Variants in DGKQ observed in about 807,000 individuals in gnomAD.
DGKQ encodes the protein diacylglycerol kinase theta, also known as DAG kinase theta.
DGKQ carries 97 observed loss-of-function variants against 104.2 expected under a neutral mutation model. The ratio of observed to expected loss-of-function variants is 0.93; its 90% CI spans 0.79 to 1.10. The LOEUF is 1.10. DGKQ is among the 50% of genes least tolerant of loss of function. The pLI is 0.00. For synonymous variants in DGKQ, 736 were observed against 595.2 expected (o/e 1.24, Z -3.44); for missense variants, 1,465 against 1,352.1 (o/e 1.08, Z -1.31).
At chr4:969,431 G>A (rs183804961) in intron 2 of DGKQ, among the ~76,000 whole-genome samples, 2 of 152,306 alleles carry the variant, frequency 1.3e-5, no homozygotes, top group Admixed American at 6.5e-5. Flanking sequence ...GGAGAAAGCT[G>A]GGCTGTTGCT....
At position 961,621 on chromosome 4, in the gene DGKQ, G is replaced by C. The variant is rs779072904; in HGVS notation, c.2463-43C>G. 1.9e-6 allele frequency: 3 copies of C among 1,610,316 alleles called. No homozygotes were observed. In the South Asian group the frequency reaches 3.3e-5, roughly 18 times the overall value. ...GGGCACAGAGGTGTAGGTGCAGGCA[G>C]GACGAGGGCTGAGCCTGCCCATGGC... On this transcript the variant is annotated intron_variant, in intron 20 of 22. Transcript: ENST00000273814.
chr4:961,890 A>T lies in DGKQ; in HGVS notation c.2316-56T>A. Reference sequence around the variant, plus strand: ...GGGGAAGCCCTACCCCGCCTTAGGCAGCCTCCGGGTTCCGGCCCCTCTGCC... The same window carrying T: ...GGGGAAGCCCTACCCCGCCTTAGGCTGCCTCCGGGTTCCGGCCCCTCTGCC... On this transcript the variant is annotated intron_variant, in intron 19 of 22. Transcript: ENST00000273814. The T allele has an allele frequency of 1.9e-6, 3 of 1,600,712 alleles. No homozygotes were observed. In the South Asian group the frequency reaches 3.4e-5, roughly 18 times the overall value.
chr4:965,812 G>C (rs1158068020), intron 13 of DGKQ, 116 bp downstream of exon 13: 1 of 1,225,264 alleles, frequency 8.2e-7, no homozygotes. Flanking sequence ...TGGACCCGGA[G>C]CTCAGGCCTT....
At chr4:972,365 T>A (rs1213608757) in intron 1 of DGKQ, among the ~76,000 whole-genome samples, 1 of 152,010 alleles carries the variant, frequency 6.6e-6, no homozygotes, top group African/African-American at 2.4e-5. Flanking sequence ...AGAACAACCA[T>A]GCCGTTTCCA....
chr4:966,985 G>T lies in DGKQ; in HGVS notation c.1290C>A (p.Val430=). Reference sequence around the variant, plus strand: ...GCACCTGGCGGCCGAGCAGCGGCAGGACCTCCAGCACCACAGAGCGGGCCG... The same window carrying T: ...GCACCTGGCGGCCGAGCAGCGGCAGTACCTCCAGCACCACAGAGCGGGCCG... ...KSTARSVVLE[V]LPLLGRQAES... The change falls in exon 10 of 23, where the codon GTC becomes GTA. Residue 430 remains valine (V), a synonymous_variant. Transcript: ENST00000273814. 1.3e-6 allele frequency: 2 copies of T among 1,566,362 alleles called. No individual in the cohort carries two copies. The highest frequency in any genetic ancestry group is 8.6e-7 in the Non-Finnish European group (1 of 1,158,354).
intron 4 of DGKQ, 34 bp downstream of exon 4, chr4:968,445 A>AC (rs747380280): frequency 3.2e-6 from 5 of 1,586,806 alleles, no homozygotes; most frequent in Non-Finnish European, 4.3e-6. Context: ...GGCCCGCCCC[A>AC]CCCCCCAGGG....
chr4:968,938 C>G, intron 2 of DGKQ, 28 bp from the exon 3 acceptor site: 1 of 1,488,476 alleles, frequency 6.7e-7, no homozygotes, highest in Middle Eastern at 1.8e-4. Flanking sequence ...CCTCAGCACC[C>G]TTGGTAAGGG....
In DGKQ at chr4:971,430, C is replaced by T. The variant is rs562737705; in HGVS notation, c.272-358G>A. On this transcript the variant is annotated intron_variant, in intron 1 of 22. Transcript: ENST00000273814. The surrounding 1 kb of genome is among the most constrained non-coding windows in gnomAD (Gnocchi z 4.0). ...GGTTCGCCAGGTGGCAGGGGCTTCT[C>T]GGCCTTCGGCAGATTGGCTTTACCA... 2.2e-4 allele frequency among the ~76,000 whole-genome samples: 33 copies of T among 152,336 alleles called. No homozygotes were observed. The highest frequency in any genetic ancestry group is 4.4e-4 in the Non-Finnish European group (30 of 68,022).
intron 15 of DGKQ, among the ~76,000 whole-genome samples, chr4:964,929 A>G (rs1026398938): frequency 6.6e-6 from 1 of 152,116 alleles, no homozygotes; most frequent in Non-Finnish European, 1.5e-5. Flanking sequence ...GGTATCACCT[A>G]CTGGGCAGCC....
At chr4:969,581 C>T (rs578172173) in intron 2 of DGKQ, among the ~76,000 whole-genome samples, 2 of 151,360 alleles carry the variant, frequency 1.3e-5, no homozygotes, top group Non-Finnish European at 2.9e-5. Context: ...GCCAGGATGG[C>T]GGGTGACTTT....
chr4:966,649 G>A, intron 11 of DGKQ, 99 bp downstream of exon 11: 1 of 1,505,778 alleles, frequency 6.6e-7, no homozygotes. Context: ...GCAGAGCCCG[G>A]CCTTGATGTC....
At chr4:963,025 G>C in intron 16 of DGKQ, 105 bp from the exon 17 acceptor site, 1 of 1,504,028 alleles carries the variant, frequency 6.6e-7, no homozygotes, top group East Asian at 2.5e-5. Context: ...AGGACTTCAA[G>C]GTCCCAGCAC....
intron 2 of DGKQ, 78 bp downstream of exon 2, chr4:970,915 G>C: frequency 8.6e-7 from 1 of 1,167,576 alleles, no homozygotes; most frequent in South Asian, 1.4e-5. Flanking sequence ...TGACATGAAG[G>C]TTTTCAGTGC....
Position 965,806 on chromosome 4 carries a change from C to A in DGKQ, c.1579+122G>T. On this transcript the variant is annotated intron_variant, in intron 13 of 22. Coordinates refer to ENST00000273814, the MANE Select transcript of DGKQ (RefSeq NM_001347.4). ...CTTGGAGGAAGAGACGTGGGCTGGA[C>A]CCGGAGCTCAGGCCTTGGTGGCTCA... 2.6e-6 allele frequency: 3 copies of A among 1,172,546 alleles called. No individual in the cohort carries two copies. The East Asian group carries it at 7.8e-5, about 30-fold the overall frequency. The allele number at this position is 1,172,546 out of a possible 1,614,324, so 72.6% of individuals were successfully genotyped here.
Position 973,520 on chromosome 4 carries a change from C to G in DGKQ, c.-38G>C, listed in dbSNP as rs1713113077. Reference sequence around the variant, plus strand: ...CGGCCCGAGCCCCTTTAGGTCCGCGCCGGGGGTACAGGAGCCGCCGCTCCA... The same window carrying G: ...CGGCCCGAGCCCCTTTAGGTCCGCGGCGGGGGTACAGGAGCCGCCGCTCCA... On this transcript the variant is annotated 5_prime_UTR_variant, in exon 1 of 23. Coordinates refer to ENST00000273814, the MANE Select transcript of DGKQ (RefSeq NM_001347.4). The G allele has an allele frequency of 2.0e-6, 2 of 986,068 alleles. No individual in the cohort carries two copies. Among genetic ancestry groups the G allele is most frequent in the South Asian group, 4.7e-5 (1 of 21,250 alleles). 61.1% of individuals were successfully genotyped at this position (986,068 alleles called of 1,614,324 possible).
Position 961,746 on chromosome 4 carries a change from C to A in DGKQ, c.2404G>T (p.Glu802Ter), listed in dbSNP as rs1432092927. The change falls in exon 20 of 23, where the codon GAG becomes TAG. Residue 802 changes from glutamate to a stop codon, truncating the protein, a stop_gained. Coordinates refer to ENST00000273814, the MANE Select transcript of DGKQ (RefSeq NM_001347.4). LOFTEE classifies it high-confidence loss of function. ...CTGGGCAGCTCCACCTCCTGCCGCT[C>A]CACCTGCAGCCGGATCTGCTTGTGC... ...SLHKQIRLQV[E>*]RQEVELPSIE... 2 of 1,612,612 alleles carry A rather than the reference C, an allele frequency of 1.2e-6. No individual in the cohort carries two copies. Among genetic ancestry groups the A allele is most frequent in the Non-Finnish European group, 1.7e-6 (2 of 1,179,876 alleles).
chr4:960,773 C>A (rs756288705), intron 22 of DGKQ, 52 bp from the exon 23 acceptor site: 4 of 1,597,520 alleles, frequency 2.5e-6, no homozygotes, highest in Middle Eastern at 1.7e-4. Context: ...GATGAAAGAA[C>A]GGTACACGGG....
In DGKQ at chr4:965,202, T is replaced by C. The variant is rs1712208887; in HGVS notation, c.1708A>G (p.Thr570Ala). 2 of 1,612,432 alleles carry C rather than the reference T, an allele frequency of 1.2e-6. No homozygotes were observed. The highest frequency in any genetic ancestry group is 1.3e-5 in the African/African-American group (1 of 74,900). The change falls in exon 15 of 23, where the codon ACT becomes GCT. Residue 570 changes from threonine to alanine, a missense_variant. By Grantham distance (58) the Thr-to-Ala change is moderately conservative (BLOSUM62 0). Transcript: ENST00000273814. ...KDMAVRGRLLTALVLPDLLHA... is the reference protein window; with the variant it reads ...KDMAVRGRLLAALVLPDLLHA... Reference sequence around the variant, plus strand: ...AGCAGGTCGGGGAGCACCAGGGCAGTGAGCAGCCGGCCCCGCACAGCCATG... The same window carrying C: ...AGCAGGTCGGGGAGCACCAGGGCAGCGAGCAGCCGGCCCCGCACAGCCATG...
chr4:959,897 G>A lies in DGKQ; in HGVS notation c.*723C>T, dbSNP rs1000631284. The A allele has an allele frequency of 3.3e-5, 5 of 152,154 alleles. No homozygotes were observed. The highest frequency in any genetic ancestry group is 2.1e-4 in the South Asian group (1 of 4,830). 9.4% of individuals were successfully genotyped at this position (152,154 alleles called of 1,614,324 possible). A position where few individuals can be genotyped will look rare whatever the true frequency, so the allele number is the denominator to read the frequency against. ...ACCTCCTAGCCTCCACGTGGACAGA[G>A]GTTCTCCTCCCCAAGCAGAGGCACT... is the stretch of plus-strand genomic sequence containing the variant. On this transcript the variant is annotated 3_prime_UTR_variant, in exon 23 of 23. Coordinates refer to ENST00000273814, the MANE Select transcript of DGKQ (RefSeq NM_001347.4).
Sources: allele counts gnomAD v4.1 joint callset (sites outside exome capture counted in the v4.1 genomes callset), GRCh38; gene constraint gnomAD v4.1.1; non-coding constraint Gnocchi (gnomAD v3.1); transcripts MANE v1.5; gene names NCBI Gene and HGNC (gene_info 2026-07-23, HGNC 2026-07-21).